NFIB: variants seen among roughly 807,000 people sequenced by gnomAD.
NFIB encodes nuclear factor I B.
NFIB carries 11 observed loss-of-function variants against 61.5 expected under a neutral mutation model. The observed-to-expected ratio is 0.18, with a 90% CI of 0.11 to 0.30. The LOEUF (loss-of-function observed/expected upper bound fraction) is 0.30, where lower values mean the gene tolerates loss of function less well. Among genes scored for constraint, NFIB ranks in the 10% least tolerant of loss-of-function variants. The pLI is 1.00. For missense variants in NFIB, 471 were observed against 608.9 expected, an observed-to-expected ratio of 0.77 and a Z score of 2.38; for synonymous variants, 260 against 216.5, an observed-to-expected ratio of 1.20 and a Z score of -1.76.
chr9:14,219,562 C>A (rs2051391579), intron 2 of NFIB, among the ~76,000 whole-genome samples: 1 of 152,046 alleles, frequency 6.6e-6, no homozygotes, highest in Non-Finnish European at 1.5e-5. Context: ...AGATTCAAGC[C>A]AGGATTTTGT....
At chr9:14,122,075 G>T (rs1396021767) in intron 7 of NFIB, among the ~76,000 whole-genome samples, 2 of 147,882 alleles carry the variant, frequency 1.4e-5, no homozygotes, top group African/African-American at 5.0e-5. Context: ...AATGTCTAAT[G>T]TTTTATGAGA....
At chr9:14,498,950 C>A in the NFIB span, among the ~76,000 whole-genome samples, 1 of 151,886 alleles carries the variant, frequency 6.6e-6, no homozygotes, top group African/African-American at 2.4e-5. Context: ...GCCTTCAGAG[C>A]TTTACAGTTG....
chr9:14,255,936 T>C (rs951075720), intron 2 of NFIB, among the ~76,000 whole-genome samples: 5 of 152,230 alleles, frequency 3.3e-5, no homozygotes, highest in African/African-American at 1.2e-4. Context: ...TAGCATAGTA[T>C]TAGTGAAATA....
chr9:14,109,246 C>CTT (rs1220442360), intron 10 of NFIB, among the ~76,000 whole-genome samples: 1 of 152,000 alleles, frequency 6.6e-6, no homozygotes, highest in Non-Finnish European at 1.5e-5. Context: ...ATCCAACACT[C>CTT]TGATTGATAG....
chr9:14,431,377 A>C, the NFIB span, among the ~76,000 whole-genome samples: 1 of 152,124 alleles, frequency 6.6e-6, no homozygotes, highest in Non-Finnish European at 1.5e-5. Flanking sequence ...AAAACTTCTG[A>C]AGTCAATGGT....
At chr9:14,223,203 G>C (rs2051919883) in intron 2 of NFIB, among the ~76,000 whole-genome samples, 1 of 152,194 alleles carries the variant, frequency 6.6e-6, no homozygotes, top group South Asian at 2.1e-4. Flanking sequence ...AAAGCTCAGG[G>C]AGGGTAGTTG....
chr9:14,487,786 A>G, the NFIB span, among the ~76,000 whole-genome samples: 1 of 152,182 alleles, frequency 6.6e-6, no homozygotes, highest in Non-Finnish European at 1.5e-5. Context: ...TCAGACAAAA[A>G]TATCTTCCTT....
the NFIB span, among the ~76,000 whole-genome samples, chr9:14,438,235 G>C: frequency 1.7e-4 from 26 of 152,150 alleles, no homozygotes; most frequent in Non-Finnish European, 2.8e-4. Context: ...GGGAAAATAA[G>C]ATAGCTGAAA....
the NFIB span, among the ~76,000 whole-genome samples, chr9:14,431,130 T>C: frequency 6.6e-6 from 1 of 152,196 alleles, no homozygotes; most frequent in African/African-American, 2.4e-5. Context: ...GAAAACTAAC[T>C]CAATGTTGTG....
intron 10 of NFIB, among the ~76,000 whole-genome samples, chr9:14,098,126 G>A (rs560708104): frequency 3.3e-5 from 5 of 152,188 alleles, no homozygotes; most frequent in South Asian, 2.1e-4. Flanking sequence ...TATGGCATCC[G>A]CAGAAACACA....
intron 1 of NFIB, among the ~76,000 whole-genome samples, chr9:14,344,016 G>A (rs988407861): frequency 2.6e-5 from 4 of 151,894 alleles, no homozygotes; most frequent in Non-Finnish European, 4.4e-5. Context: ...GCAGTTAGGA[G>A]ATGCTACAGA....
intron 2 of NFIB, among the ~76,000 whole-genome samples, chr9:14,209,136 A>T (rs1171402507): frequency 6.6e-6 from 1 of 152,218 alleles, no homozygotes; most frequent in African/African-American, 2.4e-5. Context: ...ATATAGTGGG[A>T]AAAATGCTGC....
chr9:14,176,895 T>A (rs1350790796), intron 3 of NFIB, among the ~76,000 whole-genome samples: 1 of 152,138 alleles, frequency 6.6e-6, no homozygotes, highest in Non-Finnish European at 1.5e-5. Flanking sequence ...GGGGAACAGA[T>A]TTCAAAGAGC....
intron 1 of NFIB, among the ~76,000 whole-genome samples, chr9:14,319,460 C>T (rs1195701770): frequency 6.6e-6 from 1 of 152,250 alleles, no homozygotes; most frequent in African/African-American, 2.4e-5. Context: ...AGTTGCCTCA[C>T]TTATCCACAA....
In NFIB at chr9:14,085,642, C is replaced by A. The variant is rs1457158365; in HGVS notation, c.*2667G>T. ...TTAAAAATTGAACTTTGATTTTAAT[C>A]TATCAGTCCAAATACATTCAACAAT... On this transcript the variant is annotated 3_prime_UTR_variant, in exon 11 of 11. Coordinates refer to ENST00000380953, the MANE Select transcript of NFIB (RefSeq NM_001190737.2). The A allele has an allele frequency of 9.1e-6, 2 of 219,976 alleles. No individual in the cohort carries two copies. The highest frequency in any genetic ancestry group is 1.8e-5 in the Non-Finnish European group (2 of 109,912). 13.6% of individuals were successfully genotyped at this position (219,976 alleles called of 1,614,324 possible).
intron 2 of NFIB, among the ~76,000 whole-genome samples, chr9:14,198,966 C>T (rs1194730226): frequency 1.3e-5 from 2 of 152,196 alleles, no homozygotes; most frequent in Non-Finnish European, 2.9e-5. Context: ...TCCAAATCCA[C>T]ACTGAACCAT....
chr9:14,245,431 T>G (rs2054807826), intron 2 of NFIB, among the ~76,000 whole-genome samples: 1 of 151,340 alleles, frequency 6.6e-6, no homozygotes, highest in East Asian at 1.9e-4. Context: ...CCATATACTC[T>G]GAATGCAAAC....
chr9:14,349,997 C>G (rs1293258481), intron 1 of NFIB, among the ~76,000 whole-genome samples: 1 of 152,176 alleles, frequency 6.6e-6, no homozygotes, highest in Non-Finnish European at 1.5e-5. Flanking sequence ...CATGATCTCT[C>G]CCTGCCTGGA....
At chr9:14,257,103 G>T (rs758680051) in intron 2 of NFIB, among the ~76,000 whole-genome samples, 9 of 152,188 alleles carry the variant, frequency 5.9e-5, no homozygotes, top group Non-Finnish European at 1.0e-4. Context: ...GACTGTCCTG[G>T]TTCTAAATCT....
Sources: allele counts gnomAD v4.1 joint callset (sites outside exome capture counted in the v4.1 genomes callset), GRCh38; gene constraint gnomAD v4.1.1; transcripts MANE v1.5; gene names NCBI Gene and HGNC (gene_info 2026-07-23, HGNC 2026-07-21).